Variants in ZEB2 observed in about 807,000 individuals in gnomAD.
The protein encoded by ZEB2 is zinc finger E-box binding homeobox 2.
In ZEB2, 6 loss-of-function variants were observed where a neutral mutation model predicts 99.9. The observed-to-expected ratio is 0.06, with a 90% CI of 0.03 to 0.12. The LOEUF (loss-of-function observed/expected upper bound fraction) is 0.12, where lower values mean the gene tolerates loss of function less well. Among genes scored for constraint, ZEB2 ranks in the 10% least tolerant of loss-of-function variants. The pLI is 1.00. For missense variants in ZEB2, 969 were observed against 1,502.8 expected (o/e 0.64, Z 5.87); for synonymous variants, 517 against 542.5 (o/e 0.95, Z 0.65).
chr2:144,510,655 C>T (rs1393807080), intron 2 of ZEB2, among the ~76,000 whole-genome samples: 1 of 151,658 alleles, frequency 6.6e-6, no homozygotes, highest in Non-Finnish European at 1.5e-5. Flanking sequence ...GCCACAAACA[C>T]CTAAGTTATT....
intron 2 of ZEB2, among the ~76,000 whole-genome samples, chr2:144,478,461 C>T (rs182644465): frequency 2.0e-5 from 3 of 152,102 alleles, no homozygotes; most frequent in Non-Finnish European, 4.4e-5. Flanking sequence ...TGTGTGTATG[C>T]GTGTGTGTTA....
At chr2:144,505,599 G>C (rs1704942242) in intron 2 of ZEB2, among the ~76,000 whole-genome samples, 1 of 152,206 alleles carries the variant, frequency 6.6e-6, no homozygotes, top group Non-Finnish European at 1.5e-5. Context: ...GATTGTAGGA[G>C]GTAGGAGGTG....
At chr2:144,393,760 C>A (rs1573711054) in intron 9 of ZEB2, among the ~76,000 whole-genome samples, 2 of 152,152 alleles carry the variant, frequency 1.3e-5, no homozygotes, top group African/African-American at 4.8e-5. Context: ...GGAAACTTGA[C>A]AAGTTGGAAA....
In ZEB2 at chr2:144,424,884, T is replaced by C. The variant is rs755592436; in HGVS notation, c.332-17A>G. 4.3e-6 allele frequency: 7 copies of C among 1,613,370 alleles called. No homozygotes were observed. Among genetic ancestry groups the C allele is most frequent in the Non-Finnish European group, 5.9e-6 (7 of 1,179,466 alleles). On this transcript the variant is annotated splice_polypyrimidine_tract_variant and intron_variant, in intron 3 of 9. Coordinates refer to ENST00000627532, the MANE Select transcript of ZEB2 (RefSeq NM_014795.4). ...TCATTTCTTCTGTGGGGGAAAATTA[T>C]CTTTAGCATTTGAGAATTGTAGAAA...
chr2:144,430,976 C>T (rs575613386), intron 2 of ZEB2: 1 of 152,226 alleles, frequency 6.6e-6, no homozygotes, highest in South Asian at 2.1e-4. Flanking sequence ...GCTAGAGAAA[C>T]ACACCAGCCG....
chr2:144,493,924 G>A (rs1704720740), intron 2 of ZEB2, among the ~76,000 whole-genome samples: 2 of 151,858 alleles, frequency 1.3e-5, no homozygotes, highest in East Asian at 1.9e-4. Flanking sequence ...AGGCCGAGGC[G>A]GGCGGATCAC....
intron 1 of ZEB2, 33 bp from the exon 2 acceptor site, chr2:144,517,452 C>T (rs1297132917): frequency 2.8e-6 from 4 of 1,448,262 alleles, no homozygotes; most frequent in Non-Finnish European, 3.8e-6. Flanking sequence ...ATGTGGGCAT[C>T]GCCCGCGCCC....
At chr2:144,488,298 G>C (rs1704627684) in intron 2 of ZEB2, among the ~76,000 whole-genome samples, 1 of 152,216 alleles carries the variant, frequency 6.6e-6, no homozygotes, top group African/African-American at 2.4e-5. Flanking sequence ...CATGGAGCAA[G>C]TGAGCTAAGG....
At chr2:144,486,943 G>C (rs1370462361) in intron 2 of ZEB2, among the ~76,000 whole-genome samples, 1 of 152,096 alleles carries the variant, frequency 6.6e-6, no homozygotes, top group African/African-American at 2.4e-5. Flanking sequence ...ATTTTATTTT[G>C]CAGGTGTATT....
At chr2:144,409,980 C>T (rs542656216) in intron 4 of ZEB2, among the ~76,000 whole-genome samples, 1 of 150,972 alleles carries the variant, frequency 6.6e-6, no homozygotes, top group Non-Finnish European at 1.5e-5. Flanking sequence ...AGTGCAATCT[C>T]GGCTCACTGC....
intron 2 of ZEB2, among the ~76,000 whole-genome samples, chr2:144,432,514 T>C (rs1245191261): frequency 6.6e-6 from 1 of 152,142 alleles, no homozygotes; most frequent in Non-Finnish European, 1.5e-5. Context: ...TGGTTGACCA[T>C]CTGACAATCA....
chr2:144,396,549 T>C lies in ZEB2; in HGVS notation c.2930A>G (p.Asp977Gly). 1 of 1,614,090 alleles carries C rather than the reference T, an allele frequency of 6.2e-7. No individual in the cohort carries two copies. Among genetic ancestry groups the C allele is most frequent in the Non-Finnish European group, 8.5e-7 (1 of 1,179,992 alleles). ...DGAQDYMSGL[D>G]DMTDSDSCLS... ...ACAGGAGTCGGAGTCTGTCATATCA[T>C]CTAGGCCTGACATGTAGTCTTGTGC... is the stretch of plus-strand genomic sequence containing the variant. Residue 977 changes from aspartate (D) to glycine (G), a missense_variant, in exon 9 of 10, where the codon GAT becomes GGT. Coordinates refer to ENST00000627532, the MANE Select transcript of ZEB2 (RefSeq NM_014795.4).
intron 4 of ZEB2, among the ~76,000 whole-genome samples, chr2:144,406,649 C>T (rs749490252): frequency 4.6e-5 from 7 of 152,154 alleles, no homozygotes; most frequent in East Asian, 3.9e-4. Flanking sequence ...GAGAGTAAGG[C>T]GGGAGCCAGG....
chr2:144,398,928 A>T lies in ZEB2; in HGVS notation c.2259T>A (p.Asn753Lys), dbSNP rs1703268156. 1 of 1,614,072 alleles carries T rather than the reference A, an allele frequency of 6.2e-7. No homozygotes were observed. Among genetic ancestry groups the T allele is most frequent in the Non-Finnish European group, 8.5e-7 (1 of 1,180,036 alleles). ...SIAELHNSVT[N>K]CDPPLRLTKP... ...TTGTTAGCCTGAGAGGAGGATCACA[A>T]TTCGTAACACTGTTGTGGAGTTCTG... The change falls in exon 8 of 10, where the codon AAT becomes AAA. Residue 753 changes from asparagine to lysine, a missense_variant. Asn to Lys is a moderately conservative substitution (Grantham distance 94). Transcript: ENST00000627532.
rs768055658 is a variant in ZEB2, at chr2:144,400,188, T to C, written c.999A>G (p.Lys333=). ...GSYSSHISSK[K]CIGLISVNGR... is the part of the protein sequence containing the mutation. ...CATTTACAGAGATTAAACCAATACA[T>C]TTCTTGCTGCTGATGTGCGAACTGT... Residue 333 remains lysine (K), a synonymous_variant, in exon 8 of 10, where the codon AAA becomes AAG. Transcript: ENST00000627532. 1.9e-6 allele frequency: 3 copies of C among 1,613,954 alleles called. No individual in the cohort carries two copies. The highest frequency in any genetic ancestry group is 1.7e-5 in the Admixed American group (1 of 59,996).
At chr2:144,401,345 G>A in intron 6 of ZEB2, 38 bp from the exon 7 acceptor site, 2 of 1,598,018 alleles carry the variant, frequency 1.3e-6, no homozygotes, top group Non-Finnish European at 1.7e-6. Context: ...TTTTGTGCAG[G>A]AGGAACAAAG....
intron 2 of ZEB2, among the ~76,000 whole-genome samples, chr2:144,441,820 C>G (rs547161186): frequency 6.6e-6 from 1 of 152,298 alleles, no homozygotes; most frequent in African/African-American, 2.4e-5. Context: ...TTGAAAGTGA[C>G]TATAAATTTT....
intron 2 of ZEB2, chr2:144,462,283 G>A (rs993377024): frequency 5.9e-5 from 9 of 152,072 alleles, no homozygotes; most frequent in Non-Finnish European, 2.9e-5. Flanking sequence ...ACGGAACTTG[G>A]GTGATGTTTT....
intron 4 of ZEB2, among the ~76,000 whole-genome samples, chr2:144,406,715 A>G (rs927581619): frequency 6.6e-6 from 1 of 152,230 alleles, no homozygotes; most frequent in Admixed American, 6.5e-5. Context: ...TAAAAGAAGC[A>G]GGAAGCTATT....
Sources: gnomAD v4.1 joint callset for allele counts (sites outside exome capture counted in the v4.1 genomes callset) on GRCh38, gnomAD v4.1.1 for gene constraint, MANE v1.5 for transcripts, NCBI Gene and HGNC (gene_info 2026-07-23, HGNC 2026-07-21) for gene names.